Variants in NR1H4 observed in about 807,000 individuals in gnomAD.
The protein encoded by NR1H4 is nuclear receptor subfamily 1 group H member 4.
NR1H4 carries 23 observed loss-of-function variants against 58.5 expected under a neutral mutation model. The observed-to-expected ratio is 0.39, with a 90% CI of 0.28 to 0.56. The LOEUF (loss-of-function observed/expected upper bound fraction) is 0.56. Ranked by LOEUF, NR1H4 falls within the 20% of genes least tolerant of loss-of-function variation. The probability of loss-of-function intolerance (pLI) is 0.58; values close to 1 mark genes in which losing one functional copy is unlikely to be tolerated. For synonymous variants in NR1H4, 214 were observed against 198.0 expected (o/e 1.08, Z -0.68); for missense variants, 487 against 576.9 (o/e 0.84, Z 1.60).
chr12:100,563,033 A>G (rs1955510146), intron 10 of NR1H4, among the ~76,000 whole-genome samples: 1 of 152,136 alleles, frequency 6.6e-6, no homozygotes, highest in Admixed American at 6.6e-5. Flanking sequence ...TTGGAAGGGG[A>G]ATTGGGAGGC....
At chr12:100,499,803 A>G in intron 3 of NR1H4, 1 of 455,144 alleles carries the variant, frequency 2.2e-6, no homozygotes, top group South Asian at 1.6e-5. Flanking sequence ...TGCTTTATAG[A>G]AATTAATGTG....
At chr12:100,538,009 C>T (rs915543100) in intron 8 of NR1H4, among the ~76,000 whole-genome samples, 3 of 152,036 alleles carry the variant, frequency 2.0e-5, no homozygotes, top group South Asian at 2.1e-4. Flanking sequence ...CATGTCTGGC[C>T]GAGAAATCTG....
At chr12:100,478,850 A>C (rs1363432886) in intron 1 of NR1H4, among the ~76,000 whole-genome samples, 3 of 152,214 alleles carry the variant, frequency 2.0e-5, no homozygotes, top group African/African-American at 7.2e-5. Context: ...ACTAAAACCT[A>C]TGCCCCCACT....
chr12:100,543,095 G>A (rs1437417083), intron 9 of NR1H4, among the ~76,000 whole-genome samples: 1 of 152,134 alleles, frequency 6.6e-6, no homozygotes, highest in Admixed American at 6.5e-5. Flanking sequence ...GGACTTGAAT[G>A]AGATTTGATT....
intron 4 of NR1H4, among the ~76,000 whole-genome samples, chr12:100,514,628 A>G (rs1954215862): frequency 6.6e-6 from 1 of 152,186 alleles, no homozygotes; most frequent in South Asian, 2.1e-4. Flanking sequence ...CAATCACCCC[A>G]GTTGAGAATC....
At position 100,507,498 on chromosome 12, in the gene NR1H4, C is replaced by T. The variant is rs374537823; in HGVS notation, c.80-3280C>T. ...GTTTTTTTTGAGACAGAGTCTTGCT[C>T]TGTCTCCAGGCTGGAGTGCAGTGGC... On this transcript the variant is annotated intron_variant, in intron 3 of 10. Coordinates refer to ENST00000392986, the MANE Select transcript of NR1H4 (RefSeq NM_001206979.2). Among the ~76,000 whole-genome samples, 9 of 151,944 alleles carry T rather than the reference C, an allele frequency of 5.9e-5. 1 individual carries two copies. In the East Asian group the frequency reaches 9.6e-4, roughly 16 times the overall value.
intron 4 of NR1H4, among the ~76,000 whole-genome samples, chr12:100,527,082 A>C (rs561760395): frequency 6.6e-6 from 1 of 152,250 alleles, no homozygotes; most frequent in Non-Finnish European, 1.5e-5. Context: ...ATTGCAAAAC[A>C]ATCATTTATG....
chr12:100,550,810 A>G (rs1486576487), intron 9 of NR1H4, among the ~76,000 whole-genome samples: 1 of 152,210 alleles, frequency 6.6e-6, no homozygotes, highest in Non-Finnish European at 1.5e-5. Flanking sequence ...ACATAAATAA[A>G]ATATTCAATT....
At chr12:100,525,265 G>A (rs868004527) in intron 4 of NR1H4, 2 of 152,136 alleles carry the variant, frequency 1.3e-5, no homozygotes, top group Non-Finnish European at 2.9e-5. Context: ...CCTAGTTAGG[G>A]TGTGTCAGGC....
At chr12:100,497,598 C>A (rs1211507199) in intron 3 of NR1H4, among the ~76,000 whole-genome samples, 3 of 152,114 alleles carry the variant, frequency 2.0e-5, no homozygotes, top group African/African-American at 7.2e-5. Context: ...CACGTAGAGG[C>A]CTGGGGGTGG....
intron 5 of NR1H4, among the ~76,000 whole-genome samples, chr12:100,533,641 T>C (rs1300155298): frequency 6.6e-6 from 1 of 152,202 alleles, no homozygotes; most frequent in African/African-American, 2.4e-5. Flanking sequence ...CTCATATAGC[T>C]CATCACTTAA....
intron 3 of NR1H4, among the ~76,000 whole-genome samples, chr12:100,497,616 C>G: frequency 6.6e-6 from 1 of 152,094 alleles, no homozygotes; most frequent in East Asian, 1.9e-4. Context: ...TGGAAGGACA[C>G]AGTTACCACA....
chr12:100,481,089 G>A (rs1299142137), intron 1 of NR1H4, among the ~76,000 whole-genome samples: 2 of 152,126 alleles, frequency 1.3e-5, no homozygotes, highest in Non-Finnish European at 2.9e-5. Flanking sequence ...GTTGGTCAAC[G>A]AATTTATTAG....
intron 4 of NR1H4, among the ~76,000 whole-genome samples, chr12:100,528,582 C>G (rs952415651): frequency 6.6e-6 from 1 of 152,110 alleles, no homozygotes; most frequent in Non-Finnish European, 1.5e-5. Context: ...CATTCATTTT[C>G]AAATGACTTT....
intron 4 of NR1H4, 97 bp downstream of exon 4, chr12:100,511,240 C>G: frequency 1.4e-6 from 2 of 1,477,350 alleles, no homozygotes; most frequent in Non-Finnish European, 1.9e-6. Context: ...CAGGCAACTT[C>G]CCATTTTCTC....
intron 4 of NR1H4, 82 bp from the exon 5 acceptor site, chr12:100,532,376 C>A: frequency 7.1e-7 from 1 of 1,409,308 alleles, no homozygotes; most frequent in Non-Finnish European, 1.0e-6. Context: ...AGAAAATGTC[C>A]TGGCATCTCT....
At chr12:100,505,782 A>C (rs952045683) in intron 3 of NR1H4, 5 of 520,042 alleles carry the variant, frequency 9.6e-6, no homozygotes, top group African/African-American at 1.9e-5. Flanking sequence ...CTTTTCAGAA[A>C]GCATACTCTA....
intron 9 of NR1H4, among the ~76,000 whole-genome samples, chr12:100,561,178 C>T (rs909103503): frequency 1.3e-5 from 2 of 151,992 alleles, no homozygotes; most frequent in Non-Finnish European, 2.9e-5. Context: ...GGGCGGATCA[C>T]GAGGTCAGGA....
intron 3 of NR1H4, among the ~76,000 whole-genome samples, chr12:100,504,708 G>T (rs1593062882): frequency 6.6e-6 from 1 of 152,168 alleles, no homozygotes; most frequent in South Asian, 2.1e-4. Flanking sequence ...AGGAACAGAA[G>T]CTTAAAGAAG....
Sources: allele counts gnomAD v4.1 joint callset (sites outside exome capture counted in the v4.1 genomes callset), GRCh38; gene constraint gnomAD v4.1.1; transcripts MANE v1.5; gene names NCBI Gene and HGNC (gene_info 2026-07-23, HGNC 2026-07-21).